Variants in MFHAS1 observed in about 807,000 individuals in gnomAD.
MFHAS1 encodes the protein malignant fibrous histiocytoma-amplified sequence 1.
In MFHAS1, 50 loss-of-function variants were observed where a neutral mutation model predicts 70.4. That is an observed-to-expected ratio of 0.71 (90% CI 0.57 to 0.90). MFHAS1 has a LOEUF of 0.90. MFHAS1 is among the 40% of genes least tolerant of loss of function. The pLI, the probability that MFHAS1 is intolerant of heterozygous loss-of-function variation, is 0.00. For missense variants in MFHAS1, 1,795 were observed against 1,347.6 expected (o/e 1.33, Z -5.20); for synonymous variants, 952 against 620.0 (o/e 1.54, Z -7.96).
chr8:8,797,551 A>G (rs1805950421), intron 1 of MFHAS1, 60 bp from the exon 2 acceptor site: 1 of 1,567,640 alleles, frequency 6.4e-7, no homozygotes. Context: ...GGCTCATTTT[A>G]CAAAGACAGC....
intron 1 of MFHAS1, among the ~76,000 whole-genome samples, chr8:8,833,656 T>G (rs1257728850): frequency 6.6e-6 from 1 of 151,678 alleles, no homozygotes. Context: ...AATCAACAAA[T>G]AAACAAAAAG....
rs1213903123 is a variant in MFHAS1 at position 8,784,133 on chromosome 8, A to C, written c.*1889T>G. 6.6e-6 allele frequency: 1 copy of C among 152,200 alleles called. No individual in the cohort carries two copies. Among genetic ancestry groups the C allele is most frequent in the African/African-American group, 2.4e-5 (1 of 41,434 alleles). 9.4% of individuals were successfully genotyped at this position (152,200 alleles called of 1,614,324 possible). On this transcript the variant is annotated 3_prime_UTR_variant, in exon 3 of 3. Coordinates refer to ENST00000276282, the MANE Select transcript of MFHAS1 (RefSeq NM_004225.3). ...ATGGTCCCCGGGGAGTTAGCCCAAA[A>C]TCATACAAATAAGCCTTTTTCTAAA...
intron 1 of MFHAS1, among the ~76,000 whole-genome samples, chr8:8,858,961 T>C (rs978681146): frequency 6.6e-6 from 1 of 152,222 alleles, no homozygotes; most frequent in Non-Finnish European, 1.5e-5. Context: ...TTCTGCACAA[T>C]ACCAGCTCCA....
chr8:8,853,224 T>C (rs1440876216), intron 1 of MFHAS1, among the ~76,000 whole-genome samples: 2 of 151,890 alleles, frequency 1.3e-5, no homozygotes, highest in East Asian at 3.9e-4. Flanking sequence ...CCAAAAAAAA[T>C]GGAGGCTTAA....
intron 1 of MFHAS1, among the ~76,000 whole-genome samples, chr8:8,853,288 G>A (rs944421283): frequency 1.3e-5 from 2 of 151,924 alleles, no homozygotes; most frequent in Admixed American, 6.6e-5. Context: ...AGTTCAACAG[G>A]CGGCAAGCTC....
In MFHAS1 at chr8:8,893,008, G is replaced by T; in HGVS notation, c.51C>A (p.Asp17Glu). 1.3e-6 allele frequency: 2 copies of T among 1,534,240 alleles called. No homozygotes were observed. The highest frequency in any genetic ancestry group is 1.7e-6 in the Non-Finnish European group (2 of 1,143,716). ...GCAGCTTCCTGGCACGCAGGGCGGC[G>T]TCCCGCCACAGCCTCGCGGTCTTCA... is the stretch of plus-strand genomic sequence containing the variant. ...GNLKTARLWR[D>E]AALRARKLRS... Residue 17 changes from aspartate to glutamate, a missense_variant, in exon 1 of 3, where the codon GAC becomes GAA. Transcript: ENST00000276282.
intron 1 of MFHAS1, among the ~76,000 whole-genome samples, chr8:8,828,002 G>A (rs901597941): frequency 5.9e-5 from 9 of 151,798 alleles, no homozygotes; most frequent in South Asian, 2.1e-4. Context: ...CAGCTCTTCA[G>A]CTGTCCTAAA....
At chr8:8,880,699 C>T (rs67053276) in intron 1 of MFHAS1, among the ~76,000 whole-genome samples, 496 of 98,120 alleles carry the variant, frequency 5.1e-3, no homozygotes, top group South Asian at 0.018. Flanking sequence ...TTTTTTTTTT[C>T]CCCCAGATGG....
At chr8:8,863,505 T>C (rs953215555) in intron 1 of MFHAS1, among the ~76,000 whole-genome samples, 6 of 152,316 alleles carry the variant, frequency 3.9e-5, no homozygotes, top group South Asian at 2.1e-4. Context: ...CTGTTACCTA[T>C]ATTTATTACC....
At chr8:8,811,657 C>T (rs570483016) in intron 1 of MFHAS1, among the ~76,000 whole-genome samples, 3 of 152,328 alleles carry the variant, frequency 2.0e-5, no homozygotes, top group South Asian at 2.1e-4. Flanking sequence ...TCTGCAGGGA[C>T]GTAAGCTCCA....
intron 1 of MFHAS1, among the ~76,000 whole-genome samples, chr8:8,823,434 C>G (rs892993004): frequency 6.6e-6 from 1 of 152,150 alleles, no homozygotes; most frequent in Non-Finnish European, 1.5e-5. Context: ...CTGCAAGTTC[C>G]CGAAACACCG....
rs1810067445 is a variant in MFHAS1 at position 8,891,955 on chromosome 8, A to T, written c.1104T>A (p.Gly368=). 2 of 1,611,898 alleles carry T rather than the reference A, an allele frequency of 1.2e-6. No homozygotes were observed. The highest frequency in any genetic ancestry group is 4.5e-5 in the East Asian group (2 of 44,822). The change falls in exon 1 of 3, where the codon GGT becomes GGA. Residue 368 remains glycine, a synonymous_variant. Coordinates refer to ENST00000276282, the MANE Select transcript of MFHAS1 (RefSeq NM_004225.3). The surrounding 1 kb of genome is among the most constrained non-coding windows in gnomAD (Gnocchi z 5.4). The part of the protein sequence containing the change: ...PDHFGQLSRV[G]LWKIKDNPLI... ...GTGGGTTGTCTTTGATCTTCCACAA[A>T]CCCACCCGGGAGAGCTGGCCAAAGT...
At chr8:8,811,730 C>T (rs576142971) in intron 1 of MFHAS1, among the ~76,000 whole-genome samples, 88 of 152,328 alleles carry the variant, frequency 5.8e-4, no homozygotes, top group East Asian at 3.9e-4. Context: ...GTCAGGCACA[C>T]GGCAGGCCCT....
intron 1 of MFHAS1, among the ~76,000 whole-genome samples, 180 bp from the exon 2 acceptor site, chr8:8,797,671 G>A (rs561239818): frequency 4.6e-5 from 7 of 152,288 alleles, no homozygotes; most frequent in Non-Finnish European, 1.0e-4. Context: ...CGGCTCCAGC[G>A]CCTAAATCCT....
intron 1 of MFHAS1, among the ~76,000 whole-genome samples, chr8:8,823,937 C>A (rs750313502): frequency 7.5e-6 from 1 of 133,698 alleles, no homozygotes; most frequent in Non-Finnish European, 1.6e-5. Context: ...AGTTCTCTAT[C>A]ACAGCAGATT....
intron 1 of MFHAS1, among the ~76,000 whole-genome samples, chr8:8,885,075 A>C (rs1809699995): frequency 1.3e-5 from 2 of 152,156 alleles, no homozygotes; most frequent in Admixed American, 6.5e-5. Flanking sequence ...GCAGCAAGTG[A>C]ACAACCTAAT....
At chr8:8,833,870 A>T (rs918571054) in intron 1 of MFHAS1, among the ~76,000 whole-genome samples, 1 of 152,150 alleles carries the variant, frequency 6.6e-6, no homozygotes, top group African/African-American at 2.4e-5. Context: ...ACAAAAAGAA[A>T]CAGCCTACAC....
chr8:8,853,487 A>C (rs1257591722), intron 1 of MFHAS1, among the ~76,000 whole-genome samples: 2 of 151,632 alleles, frequency 1.3e-5, no homozygotes, highest in African/African-American at 4.8e-5. Flanking sequence ...AAAAAAAAAA[A>C]AAACCACACA....
intron 1 of MFHAS1, among the ~76,000 whole-genome samples, chr8:8,822,478 G>C (rs11779561): frequency 0.33 from 48,587 of 147,258 alleles, 9,189 homozygotes; most frequent in African/African-American, 0.49. Flanking sequence ...GATTGAGATG[G>C]AGACAGGGAC....
Sources: allele counts gnomAD v4.1 joint callset (sites outside exome capture counted in the v4.1 genomes callset), GRCh38; gene constraint gnomAD v4.1.1; non-coding constraint Gnocchi (gnomAD v3.1); transcripts MANE v1.5; gene names NCBI Gene and HGNC (gene_info 2026-07-23, HGNC 2026-07-21).